Variants in FRAS1 observed in about 807,000 individuals in gnomAD.
FRAS1 encodes Fraser extracellular matrix complex subunit 1.
FRAS1 carries 290 observed loss-of-function variants against 435.2 expected under a neutral mutation model. The observed-to-expected ratio is 0.67, with a 90% CI of 0.61 to 0.73. The LOEUF is 0.73. FRAS1 is among the 30% of genes least tolerant of loss of function. FRAS1 has a pLI of 0.00. For missense variants in FRAS1, 4,860 were observed against 5,001.5 expected (o/e 0.97, Z 0.85); for synonymous variants, 1,800 against 1,851.0 (o/e 0.97, Z 0.71).
At chr4:78,115,498 A>T (rs1251677825) in intron 2 of FRAS1, among the ~76,000 whole-genome samples, 1 of 152,090 alleles carries the variant, frequency 6.6e-6, no homozygotes, top group Admixed American at 6.5e-5. Flanking sequence ...TTATTGCCTC[A>T]ATTTCAGAGC....
At chr4:78,255,460 A>G (rs1578209482) in intron 6 of FRAS1, 85 bp downstream of exon 6, 1 of 1,330,862 alleles carries the variant, frequency 7.5e-7, no homozygotes, top group Non-Finnish European at 1.0e-6. Context: ...GGCAGGCCTC[A>G]GAAGCACTAG....
intron 2 of FRAS1, among the ~76,000 whole-genome samples, chr4:78,174,910 C>G (rs546052469): frequency 9.2e-5 from 14 of 152,216 alleles, no homozygotes; most frequent in Admixed American, 9.2e-4. Context: ...GAATTTTCTT[C>G]TAGCAGCATC....
At position 78,308,195 on chromosome 4, in the gene FRAS1, A is replaced by C. The variant is rs765723484; in HGVS notation, c.1664A>C (p.Gln555Pro). Residue 555 changes from glutamine (Q) to proline (P), a missense_variant, in exon 15 of 74, where the codon CAG (glutamine) becomes CCG (proline). Physicochemically the swap from Gln to Pro is moderately conservative, Grantham distance 76. Transcript: ENST00000512123. ...TGTGGAAAAGGCTTCTACAACAGGC[A>C]GGGCACCTGTAGCGGTGAGTGCTGG... The part of the protein sequence containing the change: ...SSCGKGFYNR[Q>P]GTCSACDQSC... 1.9e-6 allele frequency: 3 copies of C among 1,613,940 alleles called. No individual in the cohort carries two copies. In the Admixed American group the frequency reaches 5.0e-5, roughly 27 times the overall value.
At chr4:78,371,555 A>G (rs1223986180) in intron 23 of FRAS1, among the ~76,000 whole-genome samples, 1 of 152,194 alleles carries the variant, frequency 6.6e-6, no homozygotes, top group Non-Finnish European at 1.5e-5. Context: ...TCTTAACATT[A>G]TGAAATGGGT....
At chr4:78,290,559 C>T (rs898215905) in intron 14 of FRAS1, among the ~76,000 whole-genome samples, 7 of 151,862 alleles carry the variant, frequency 4.6e-5, no homozygotes, top group South Asian at 2.1e-4. Flanking sequence ...TGGGTTCAAG[C>T]GATTCTCCTG....
At chr4:78,528,805 G>A (rs143166993) in intron 70 of FRAS1, among the ~76,000 whole-genome samples, 4 of 152,246 alleles carry the variant, frequency 2.6e-5, no homozygotes, top group Admixed American at 2.0e-4. Context: ...TATGACAGAT[G>A]TATGTTTAAC....
chr4:78,488,391 G>T (rs1720238927), intron 58 of FRAS1, among the ~76,000 whole-genome samples: 1 of 152,060 alleles, frequency 6.6e-6, no homozygotes, highest in African/African-American at 2.4e-5. Context: ...TTATACTTAT[G>T]TCCCCACTCT....
chr4:78,280,772 C>T (rs1189862929), intron 10 of FRAS1, among the ~76,000 whole-genome samples: 2 of 152,128 alleles, frequency 1.3e-5, no homozygotes, highest in Admixed American at 1.3e-4. Context: ...ATAGGACTTA[C>T]CGCATGAGGC....
At chr4:78,134,136 T>G (rs964012984) in intron 2 of FRAS1, among the ~76,000 whole-genome samples, 12 of 152,002 alleles carry the variant, frequency 7.9e-5, no homozygotes, top group Admixed American at 5.9e-4. Context: ...TTTTTTTGTA[T>G]TTTTGTAGAG....
chr4:78,525,588 A>T (rs1721509671), intron 69 of FRAS1, among the ~76,000 whole-genome samples: 1 of 152,240 alleles, frequency 6.6e-6, no homozygotes, highest in African/African-American at 2.4e-5. Flanking sequence ...ATAGATAAGT[A>T]TCCCAAAATG....
chr4:78,456,138 CTTTT>C lies in FRAS1; in HGVS notation c.6763+3804_6763+3807del, dbSNP rs753676442. Among the ~76,000 whole-genome samples, 8 of 51,480 alleles carry C rather than the reference CTTTT, an allele frequency of 1.6e-4. 1 individual carries two copies. Among genetic ancestry groups the C allele is most frequent in the African/African-American group, 2.5e-4 (3 of 12,242 alleles). 33.8% of individuals were successfully genotyped at this position (51,480 alleles called of 152,430 possible). Reference sequence around the variant, plus strand: ...AGCATTACTTGAAGAACACATGTCACTTTTTTTTTTTTTTTTTTTTTTTGAGACG... The same window carrying C: ...AGCATTACTTGAAGAACACATGTCACTTTTTTTTTTTTTTTTTTTGAGACG... On this transcript the variant is annotated intron_variant, in intron 47 of 73. Coordinates refer to ENST00000512123, the MANE Select transcript of FRAS1 (RefSeq NM_025074.7).
At chr4:78,287,339 CAG>C (rs1027789802) in intron 14 of FRAS1, among the ~76,000 whole-genome samples, 5 of 152,158 alleles carry the variant, frequency 3.3e-5, no homozygotes, top group African/African-American at 1.2e-4. Context: ...AGTCAGGACA[CAG>C]AGCCAAATCA....
intron 63 of FRAS1, 43 bp from the exon 64 acceptor site, chr4:78,511,231 A>T: frequency 6.9e-7 from 1 of 1,452,400 alleles, no homozygotes; most frequent in Non-Finnish European, 9.4e-7. Flanking sequence ...GGAGCTGTTT[A>T]AGTAGGGTAC....
At chr4:78,232,989 G>C (rs965012194) in intron 2 of FRAS1, among the ~76,000 whole-genome samples, 1 of 152,142 alleles carries the variant, frequency 6.6e-6, no homozygotes, top group African/African-American at 2.4e-5. Flanking sequence ...GAAAAACTAT[G>C]GTTTTGTGAA....
chr4:78,103,829 G>T (rs1361395049), intron 2 of FRAS1, among the ~76,000 whole-genome samples: 2 of 152,178 alleles, frequency 1.3e-5, no homozygotes, highest in Non-Finnish European at 2.9e-5. Flanking sequence ...AATTTCTATT[G>T]TTTATAAGCT....
chr4:78,417,746 C>T (rs1733609056), intron 32 of FRAS1, among the ~76,000 whole-genome samples: 1 of 152,202 alleles, frequency 6.6e-6, no homozygotes, highest in South Asian at 2.1e-4. Context: ...AGGAAGAACA[C>T]CACACCCTCC....
chr4:78,317,517 GGTGTCA>G lies in FRAS1; in HGVS notation c.1960+10_1960+15del, dbSNP rs748035447. 1 of 1,606,158 alleles carries G rather than the reference GGTGTCA, an allele frequency of 6.2e-7. No individual in the cohort carries two copies. Among genetic ancestry groups the G allele is most frequent in the Non-Finnish European group, 8.5e-7 (1 of 1,177,050 alleles). On this transcript the variant is annotated intron_variant, in intron 17 of 73. Transcript: ENST00000512123. The stretch of plus-strand genomic sequence containing the variant: ...CCATGGAGTCTGCAAAGGTATCGTT[GGTGTCA>G]CCATCATTCTTGAGAGGCTATCCCA...
At chr4:78,238,678 T>TA (rs1235972565) in intron 3 of FRAS1, among the ~76,000 whole-genome samples, 3 of 152,132 alleles carry the variant, frequency 2.0e-5, no homozygotes, top group South Asian at 2.1e-4. Context: ...TAAATATTCC[T>TA]AAAAAAATCA....
chr4:78,473,679 G>A (rs1234460245), intron 53 of FRAS1, 82 bp downstream of exon 53: 4 of 1,059,962 alleles, frequency 3.8e-6, no homozygotes, highest in Non-Finnish European at 4.1e-6. Flanking sequence ...CTGGGGGGCA[G>A]CTCTAGTCAC....
Sources: gnomAD v4.1 joint callset for allele counts (sites outside exome capture counted in the v4.1 genomes callset) on GRCh38, gnomAD v4.1.1 for gene constraint, MANE v1.5 for transcripts, NCBI Gene and HGNC (gene_info 2026-07-23, HGNC 2026-07-21) for gene names.